ZNF541: variants seen among roughly 807,000 people sequenced by gnomAD.
ZNF541 encodes the protein zinc finger protein 541.
Under a neutral mutation model 123.5 loss-of-function variants are expected in ZNF541, and 23 were observed. The ratio of observed to expected loss-of-function variants is 0.19; its 90% CI spans 0.13 to 0.26. ZNF541 has a LOEUF of 0.26. ZNF541 is among the 10% of genes least tolerant of loss of function. The pLI is 1.00. For synonymous variants in ZNF541, 751 were observed against 754.5 expected (o/e 1.00, Z 0.08); for missense variants, 1,612 against 1,789.9 (o/e 0.90, Z 1.79).
In ZNF541 at chr19:47,521,920, G is replaced by A; in HGVS notation, c.3645C>T (p.Gly1215=). ...CCCTCTTTTCTAGCCCTGGGGCTCG[G>A]CCACAGTCAAACTTGATCATTTTTT... The part of the protein sequence containing the change: ...IWKKMIKFDC[G]RAPGLEKRVK... The change falls in exon 15 of 17, where the codon GGC becomes GGT. Residue 1215 remains glycine (G), a synonymous_variant. Coordinates refer to ENST00000391901, the MANE Select transcript of ZNF541 (RefSeq NM_001277075.3). This position sits in a 1 kb window ranked among gnomAD's most constrained non-coding sequence, Gnocchi z 4.2. 6.4e-7 allele frequency: 1 copy of A among 1,551,796 alleles called. No homozygotes were observed. The highest frequency in any genetic ancestry group is 8.7e-7 in the Non-Finnish European group (1 of 1,147,018).
intron 8 of ZNF541, among the ~76,000 whole-genome samples, chr19:47,538,838 C>T (rs1040082647): frequency 1.3e-5 from 2 of 152,202 alleles, no homozygotes; most frequent in African/African-American, 2.4e-5. Flanking sequence ...GACTGTGTCC[C>T]CGAGTCCAGC....
At chr19:47,543,334 C>T (rs1970163586) in intron 5 of ZNF541, among the ~76,000 whole-genome samples, 1 of 151,728 alleles carries the variant, frequency 6.6e-6, no homozygotes, top group Admixed American at 6.6e-5. Context: ...AGTCAGGAGA[C>T]CTGGATGAGC....
At chr19:47,555,496 C>T in intron 3 of ZNF541, 54 bp downstream of exon 3, 21 of 1,467,842 alleles carry the variant, frequency 1.4e-5, no homozygotes, top group Non-Finnish European at 1.9e-5. Context: ...CCTAGCTGGC[C>T]ACAGAAACTG....
Position 47,545,633 on chromosome 19 carries a change from T to C in ZNF541, c.896A>G (p.Asp299Gly), listed in dbSNP as rs1021845306. The C allele has an allele frequency of 6.5e-7, 1 of 1,549,768 alleles. No individual in the cohort carries two copies. The highest frequency in any genetic ancestry group is 8.7e-7 in the Non-Finnish European group (1 of 1,146,564). ...SPGPAPAGAS[D>G]SEGRNTACPC... Reference sequence around the variant, plus strand: ...ACAGGCAGTGTTCCTCCCTTCGCTGTCTGAAGCCCCCGCCGGGGCTGGGCC... The same window carrying C: ...ACAGGCAGTGTTCCTCCCTTCGCTGCCTGAAGCCCCCGCCGGGGCTGGGCC... Residue 299 changes from aspartate to glycine, a missense_variant, in exon 5 of 17, where the codon GAC (aspartate) becomes GGC (glycine). Around this residue, in one of 5 missense-constraint regions of ZNF541, gnomAD observed 1,080 missense variants for 1,013.8 expected, o/e 1.07. Transcript: ENST00000391901. This position sits in a 1 kb window ranked among gnomAD's most constrained non-coding sequence, Gnocchi z 7.5.
intron 9 of ZNF541, 131 bp downstream of exon 9, chr19:47,538,011 C>T: frequency 9.2e-7 from 1 of 1,091,062 alleles, no homozygotes; most frequent in Non-Finnish European, 1.3e-6. Context: ...ATCTGAATAG[C>T]AAAGGAACCC....
intron 2 of ZNF541, among the ~76,000 whole-genome samples, 192 bp from the exon 3 acceptor site, chr19:47,556,146 C>T (rs1352555761): frequency 2.0e-5 from 3 of 152,230 alleles, no homozygotes; most frequent in African/African-American, 4.8e-5. Flanking sequence ...CATAAGAGTA[C>T]TTCCTTCACA....
chr19:47,557,025 T>G (rs1415805808), intron 2 of ZNF541, among the ~76,000 whole-genome samples: 2 of 152,218 alleles, frequency 1.3e-5, no homozygotes, highest in African/African-American at 4.8e-5. Flanking sequence ...CCCAAAGTGC[T>G]GGGATTACAG....
chr19:47,566,133 T>C (rs1299603768), intron 2 of ZNF541, among the ~76,000 whole-genome samples: 3 of 151,692 alleles, frequency 2.0e-5, no homozygotes, highest in South Asian at 2.1e-4. Context: ...GCCAAGATTG[T>C]GCCACTGCAC....
At chr19:47,542,804 G>A (rs1011175206) in intron 5 of ZNF541, among the ~76,000 whole-genome samples, 1 of 152,120 alleles carries the variant, frequency 6.6e-6, no homozygotes, top group Non-Finnish European at 1.5e-5. Flanking sequence ...AAATTAGCCA[G>A]ATGTGGTGGC....
intron 4 of ZNF541, 139 bp downstream of exon 4, chr19:47,549,106 A>T: frequency 3.7e-6 from 4 of 1,083,486 alleles, no homozygotes; most frequent in South Asian, 1.6e-5. Context: ...GCTGCGGCTG[A>T]GCAGAGGTAA....
At chr19:47,559,052 G>C (rs112679153) in intron 2 of ZNF541, among the ~76,000 whole-genome samples, 10 of 148,518 alleles carry the variant, frequency 6.7e-5, no homozygotes, top group African/African-American at 9.8e-5. Context: ...CCAAGAAACA[G>C]AATTTCTGAA....
At position 47,555,617 on chromosome 19, in the gene ZNF541, C is replaced by T. The variant is rs999614290; in HGVS notation, c.240G>A (p.Gly80=). ...DNLDTLSLYS[G]KDSDSVKLLE... ...GCAGCTTCACAGAATCACTGTCCTT[C>T]CCGGAGTACAGGGACAAGGTGTCTA... is the stretch of plus-strand genomic sequence containing the variant. The change falls in exon 3 of 17, where the codon GGG becomes GGA. Residue 80 remains glycine, a synonymous_variant. Transcript: ENST00000391901. 1.0e-5 allele frequency: 16 copies of T among 1,551,516 alleles called. No individual in the cohort carries two copies. The Admixed American group carries it at 2.0e-4, about 19-fold the overall frequency.
In ZNF541 at chr19:47,545,710, G is replaced by T. The variant is rs1970321340; in HGVS notation, c.819C>A (p.Asp273Glu). The T allele has an allele frequency of 6.5e-7, 1 of 1,547,200 alleles. No homozygotes were observed. Residue 273 changes from aspartate (D) to glutamate (E), a missense_variant, in exon 5 of 17, where the codon GAC becomes GAA. Physicochemically the swap from Asp to Glu is conservative, Grantham distance 45 (BLOSUM62 2). Around this residue, in one of 5 missense-constraint regions of ZNF541, gnomAD observed 1,080 missense variants for 1,013.8 expected, o/e 1.07. Coordinates refer to ENST00000391901, the MANE Select transcript of ZNF541 (RefSeq NM_001277075.3). This position sits in a 1 kb window ranked among gnomAD's most constrained non-coding sequence, Gnocchi z 7.5. ...TGCTACTCACGATGCGGCGCAGGAGGTCCCGGTGGGGCAGGAGGGAGCCGG... is the reference window on the plus strand; with the variant it reads ...TGCTACTCACGATGCGGCGCAGGAGTTCCCGGTGGGGCAGGAGGGAGCCGG... ...RSPGSLLPHR[D>E]LLRRIVSSIV... is the part of the protein sequence containing the mutation.
chr19:47,556,564 CT>C (rs527330628), intron 2 of ZNF541, among the ~76,000 whole-genome samples: 162 of 152,226 alleles, frequency 1.1e-3, no homozygotes, highest in African/African-American at 3.8e-3. Flanking sequence ...CCCACCTTGG[CT>C]TCCCAAAGTG....
intron 4 of ZNF541, 31 bp from the exon 5 acceptor site, chr19:47,546,011 G>C: frequency 6.9e-7 from 1 of 1,439,174 alleles, no homozygotes; most frequent in Non-Finnish European, 9.2e-7. Flanking sequence ...GGGCGTCACC[G>C]GGGCACCTGG....
At chr19:47,531,884 G>A in intron 11 of ZNF541, 139 bp from the exon 12 acceptor site, 1 of 918,080 alleles carries the variant, frequency 1.1e-6, no homozygotes, top group Non-Finnish European at 1.6e-6. Flanking sequence ...CAAGGAGGAA[G>A]AGCAGAACCC....
In ZNF541 at chr19:47,535,606, A is replaced by G. The variant is rs577981955; in HGVS notation, c.3094+2536T>C. Among the ~76,000 whole-genome samples, 3 of 152,306 alleles carry G rather than the reference A, an allele frequency of 2.0e-5. No individual in the cohort carries two copies. In the East Asian group the frequency reaches 5.8e-4, roughly 29 times the overall value. On this transcript the variant is annotated intron_variant, in intron 9 of 16. Coordinates refer to ENST00000391901, the MANE Select transcript of ZNF541 (RefSeq NM_001277075.3). The stretch of plus-strand genomic sequence containing the variant: ...GCACTACACTCCTAGTTATCTACCC[A>G]AGAGAGCTGAGAACATAAATCCACA...
chr19:47,565,938 A>C (rs1027200173), intron 2 of ZNF541, among the ~76,000 whole-genome samples: 4 of 152,094 alleles, frequency 2.6e-5, no homozygotes, highest in African/African-American at 9.7e-5. Flanking sequence ...GCATTTTGGG[A>C]AGCTGAGGTG....
rs547539175 is a variant in ZNF541, at chr19:47,542,226, G to C, written c.2404-1275C>G. Among the ~76,000 whole-genome samples, 11 of 152,312 alleles carry C rather than the reference G, an allele frequency of 7.2e-5. No individual in the cohort carries two copies. The South Asian group carries it at 2.1e-3, about 29-fold the overall frequency. ...GAGACTCGTGGCTGCCAGGCCCTGG[G>C]GGGAGGGCGAGATTGTGGGTGACAA... On this transcript the variant is annotated intron_variant, in intron 5 of 16. Transcript: ENST00000391901.
Sources: allele counts gnomAD v4.1 joint callset (sites outside exome capture counted in the v4.1 genomes callset), GRCh38; gene constraint gnomAD v4.1.1; regional missense constraint gnomAD v4.1.1; non-coding constraint Gnocchi (gnomAD v3.1); transcripts MANE v1.5; gene names NCBI Gene and HGNC (gene_info 2026-07-23, HGNC 2026-07-21).